The following CDH23 variants were observed in gnomAD, a reference collection of about 807,000 sequenced individuals.
CDH23 encodes cadherin-23.
Under a neutral mutation model 317.1 loss-of-function variants are expected in CDH23, and 189 were observed. The observed-to-expected ratio is 0.60, with a 90% confidence interval of 0.53 to 0.67. The LOEUF (loss-of-function observed/expected upper bound fraction) is 0.67, where lower values mean the gene tolerates loss of function less well. Among genes scored for constraint, CDH23 ranks in the 30% least tolerant of loss-of-function variants. The pLI, the probability that CDH23 is intolerant of heterozygous loss-of-function variation, is 0.00. For synonymous variants in CDH23, 1,839 were observed against 1,876.8 expected, an observed-to-expected ratio of 0.98 and a Z score of 0.52; for missense variants, 4,401 against 4,592.4, an observed-to-expected ratio of 0.96 and a Z score of 1.20.
intron 11 of CDH23, among the ~76,000 whole-genome samples, chr10:71,634,068 G>A (rs1208378594): frequency 6.6e-6 from 1 of 152,258 alleles, no homozygotes; most frequent in Non-Finnish European, 1.5e-5. Context: ...AATAGCCAGA[G>A]CCAGGCAGCT....
In CDH23 at chr10:71,556,119, C is replaced by T. The variant is rs1054643212; in HGVS notation, c.430-10623C>T. Among the ~76,000 whole-genome samples the T allele has an allele frequency of 7.2e-5, 11 of 152,268 alleles. No homozygotes were observed. In the East Asian group the frequency reaches 1.4e-3, roughly 19 times the overall value. Reference sequence around the variant, plus strand: ...GCACATAGAATAGCTGAACTGAAATCGAGGACCTCAGTGGAGCAGTAGTGA... The same window carrying T: ...GCACATAGAATAGCTGAACTGAAATTGAGGACCTCAGTGGAGCAGTAGTGA... On this transcript the variant is annotated intron_variant, in intron 6 of 69. Transcript: ENST00000224721.
chr10:71,466,512 A>G (rs7088467), intron 3 of CDH23, among the ~76,000 whole-genome samples: 108,869 of 152,060 alleles, frequency 0.72, 39,286 homozygotes, highest in East Asian at 0.82. Context: ...GTCCCTGCTG[A>G]TGTGTGAGTG....
At chr10:71,589,697 C>A (rs1020161656) in intron 9 of CDH23, among the ~76,000 whole-genome samples, 2 of 152,210 alleles carry the variant, frequency 1.3e-5, no homozygotes, top group Non-Finnish European at 2.9e-5. Flanking sequence ...AGGGTTGCCA[C>A]CCGCAGGGTA....
At chr10:71,576,071 G>A (rs1858171945) in intron 8 of CDH23, among the ~76,000 whole-genome samples, 2 of 152,198 alleles carry the variant, frequency 1.3e-5, no homozygotes, top group Admixed American at 6.5e-5. Context: ...AGCCCTGCCC[G>A]CCCAGGGGGC....
At chr10:71,434,570 G>A (rs1396287146) in intron 1 of CDH23, among the ~76,000 whole-genome samples, 1 of 152,154 alleles carries the variant, frequency 6.6e-6, no homozygotes, top group Non-Finnish European at 1.5e-5. Context: ...CATGGATGCT[G>A]TCACTGAACC....
chr10:71,726,760 G>A (rs1210038039), intron 30 of CDH23, among the ~76,000 whole-genome samples: 1 of 152,242 alleles, frequency 6.6e-6, no homozygotes. Flanking sequence ...ACTGATGTCA[G>A]CGAAGCTGGG....
chr10:71,639,896 A>G (rs767488122), intron 11 of CDH23, among the ~76,000 whole-genome samples: 5 of 152,208 alleles, frequency 3.3e-5, no homozygotes, highest in African/African-American at 7.2e-5. Context: ...CAGACCAAGC[A>G]GGAATTGGCC....
intron 55 of CDH23, among the ~76,000 whole-genome samples, chr10:71,804,943 G>A (rs570769054): frequency 6.6e-6 from 1 of 152,118 alleles, no homozygotes; most frequent in East Asian, 1.9e-4. Flanking sequence ...CCCTTCAAGG[G>A]CTTTGCATTT....
At position 71,791,123 on chromosome 10, in the gene CDH23, G is replaced by T. The variant is rs367928692; in HGVS notation, c.6050-9G>T. ...GTGTGTTTCCCTGGCTGGCGGCACCGGGTGCCAGGTGTGGTGACCGTGAGG... is the reference window on the plus strand; with the variant it reads ...GTGTGTTTCCCTGGCTGGCGGCACCTGGTGCCAGGTGTGGTGACCGTGAGG... On this transcript the variant is annotated splice_polypyrimidine_tract_variant and intron_variant, in intron 46 of 69. Coordinates refer to ENST00000224721, the MANE Select transcript of CDH23 (RefSeq NM_022124.6). 2.5e-6 allele frequency: 4 copies of T among 1,597,582 alleles called. No individual in the cohort carries two copies. Among genetic ancestry groups the T allele is most frequent in the South Asian group, 2.3e-5 (2 of 88,734 alleles).
At chr10:71,641,907 G>A (rs1279399560) in intron 11 of CDH23, among the ~76,000 whole-genome samples, 3 of 152,178 alleles carry the variant, frequency 2.0e-5, no homozygotes, top group African/African-American at 7.2e-5. Context: ...GCGAAAACCC[G>A]TCTCTACCAA....
chr10:71,806,036 C>CCGGGGGGGGGGGGGGGGGGTGGGGGGG, intron 56 of CDH23, 39 bp downstream of exon 56: 1 of 642,670 alleles, frequency 1.6e-6, no homozygotes, highest in Admixed American at 3.0e-5. Flanking sequence ...GGGTCTGGGG[C>CCGGGGGGGGGGGGGGGGGGTGGGGGGG]GGGGCTTTCT....
chr10:71,453,245 G>A (rs760317228), intron 3 of CDH23, among the ~76,000 whole-genome samples: 1 of 152,384 alleles, frequency 6.6e-6, no homozygotes, highest in South Asian at 2.1e-4. Context: ...CCCAGGCAGC[G>A]CCTGGCACTG....
intron 6 of CDH23, among the ~76,000 whole-genome samples, chr10:71,539,418 C>T (rs1855872566): frequency 6.6e-6 from 1 of 152,108 alleles, no homozygotes; most frequent in Admixed American, 6.5e-5. Context: ...GTGTGCAGGG[C>T]CAGGGGAGGA....
chr10:71,660,570 A>G (rs1020496219), intron 14 of CDH23, among the ~76,000 whole-genome samples: 1 of 152,206 alleles, frequency 6.6e-6, no homozygotes, highest in Admixed American at 6.5e-5. Flanking sequence ...ACCTCCTGGA[A>G]GTGCTTTGCA....
chr10:71,487,683 T>C (rs1852425767), intron 3 of CDH23, among the ~76,000 whole-genome samples: 1 of 152,294 alleles, frequency 6.6e-6, no homozygotes, highest in African/African-American at 2.4e-5. Flanking sequence ...CTTATCACCA[T>C]GGTAATGAAA....
intron 16 of CDH23, among the ~76,000 whole-genome samples, chr10:71,678,020 T>C (rs1372554698): frequency 6.6e-6 from 1 of 152,126 alleles, no homozygotes; most frequent in Admixed American, 6.5e-5. Flanking sequence ...GATTTCAGAG[T>C]CAAATTCTTG....
At chr10:71,623,755 A>G (rs1036620756) in intron 11 of CDH23, among the ~76,000 whole-genome samples, 27 of 152,182 alleles carry the variant, frequency 1.8e-4, no homozygotes, top group African/African-American at 5.8e-4. Context: ...AAAGTCCAAT[A>G]GAAACTGCTC....
chr10:71,713,413 T>C, intron 28 of CDH23: 3 of 632,664 alleles, frequency 4.7e-6, no homozygotes, highest in Non-Finnish European at 8.5e-6. Flanking sequence ...TTACCAACTA[T>C]GGGGTTTCCG....
chr10:71,799,665 G>T, intron 52 of CDH23, 36 bp downstream of exon 52: 1 of 1,613,788 alleles, frequency 6.2e-7, no homozygotes, highest in Non-Finnish European at 8.5e-7. Context: ...TTTGGAAGTG[G>T]GAAGGACCCA....
Sources: gnomAD v4.1 joint callset for allele counts (sites outside exome capture counted in the v4.1 genomes callset) on GRCh38, gnomAD v4.1.1 for gene constraint, MANE v1.5 for transcripts, NCBI Gene and HGNC (gene_info 2026-07-23, HGNC 2026-07-21) for gene names.